The following NUBPL variants were observed in gnomAD, a reference collection of about 807,000 sequenced individuals.
The protein encoded by NUBPL is NUBP iron-sulfur cluster assembly factor, mitochondrial, also known as iron-sulfur cluster transfer protein NUBPL.
Under a neutral mutation model 45.7 loss-of-function variants are expected in NUBPL, and 31 were observed. The observed-to-expected ratio is 0.68, with a 90% CI of 0.51 to 0.92. The LOEUF is 0.92. Ranked by LOEUF, NUBPL falls within the 40% of genes least tolerant of loss-of-function variation. NUBPL has a pLI of 0.00. For missense variants in NUBPL, 401 were observed against 398.7 expected (o/e 1.01, Z -0.05); for synonymous variants, 144 against 140.9 (o/e 1.02, Z -0.15).
chr14:31,715,960 A>C (rs1396376891), intron 6 of NUBPL, among the ~76,000 whole-genome samples: 2 of 152,124 alleles, frequency 1.3e-5, no homozygotes, highest in South Asian at 4.1e-4. Context: ...CTTTCTTTAC[A>C]TCCTTTTTTC....
chr14:31,764,008 G>A (rs1056443921), intron 6 of NUBPL, among the ~76,000 whole-genome samples: 8 of 152,130 alleles, frequency 5.3e-5, no homozygotes, highest in East Asian at 1.9e-4. Flanking sequence ...TTTTTGTCAC[G>A]ATAATCTTAC....
At chr14:31,637,796 A>G (rs1341601554) in intron 4 of NUBPL, among the ~76,000 whole-genome samples, 6 of 152,072 alleles carry the variant, frequency 3.9e-5, no homozygotes, top group Non-Finnish European at 8.8e-5. Flanking sequence ...ATATATATTA[A>G]GATAGTTAGC....
intron 4 of NUBPL, among the ~76,000 whole-genome samples, chr14:31,632,973 G>T (rs1312346781): frequency 6.6e-6 from 1 of 152,160 alleles, no homozygotes; most frequent in East Asian, 1.9e-4. Flanking sequence ...GACATGGATG[G>T]GTAATTTTAG....
intron 4 of NUBPL, among the ~76,000 whole-genome samples, chr14:31,641,369 C>A (rs1211622580): frequency 1.3e-5 from 2 of 152,124 alleles, no homozygotes; most frequent in Non-Finnish European, 2.9e-5. Flanking sequence ...CAGTCTACTA[C>A]TCTTTATCTT....
chr14:31,817,787 C>A (rs539762454), intron 7 of NUBPL, among the ~76,000 whole-genome samples: 4 of 152,096 alleles, frequency 2.6e-5, no homozygotes, highest in Admixed American at 6.6e-5. Flanking sequence ...ATCATAATGA[C>A]AGCATCAAAT....
intron 6 of NUBPL, among the ~76,000 whole-genome samples, chr14:31,749,631 C>G (rs775051274): frequency 6.6e-6 from 1 of 151,866 alleles, no homozygotes; most frequent in Non-Finnish European, 1.5e-5. Flanking sequence ...TTCGAATTCT[C>G]TTTTTTTTCT....
intron 4 of NUBPL, among the ~76,000 whole-genome samples, chr14:31,607,656 T>C (rs1045344582): frequency 1.3e-5 from 2 of 151,726 alleles, no homozygotes; most frequent in African/African-American, 2.4e-5. Context: ...TTAGTGAACT[T>C]GAAGACAGAC....
At chr14:31,694,285 T>C (rs1032093894) in intron 6 of NUBPL, among the ~76,000 whole-genome samples, 7 of 152,218 alleles carry the variant, frequency 4.6e-5, no homozygotes, top group Non-Finnish European at 7.3e-5. Context: ...TTTAAAATTA[T>C]AGATTAGTGA....
chr14:31,729,562 T>A (rs2038005244), intron 6 of NUBPL, among the ~76,000 whole-genome samples: 1 of 152,208 alleles, frequency 6.6e-6, no homozygotes, highest in Admixed American at 6.5e-5. Flanking sequence ...ACTTTAGTCA[T>A]ATGTAAACTC....
intron 8 of NUBPL, among the ~76,000 whole-genome samples, chr14:31,830,605 C>T (rs916138030): frequency 7.2e-5 from 11 of 152,220 alleles, no homozygotes; most frequent in Admixed American, 6.5e-4. Context: ...AGTTAATACT[C>T]CTGTCTCAGA....
intron 4 of NUBPL, among the ~76,000 whole-genome samples, chr14:31,614,920 A>G (rs759460507): frequency 3.2e-4 from 49 of 152,152 alleles, no homozygotes; most frequent in Admixed American, 7.2e-4. Flanking sequence ...TTTGGAAGAG[A>G]TGATTCTTGG....
intron 6 of NUBPL, among the ~76,000 whole-genome samples, chr14:31,748,924 T>G (rs2038461100): frequency 6.6e-6 from 1 of 152,206 alleles, no homozygotes; most frequent in Admixed American, 6.5e-5. Context: ...TGCTTTGTTT[T>G]TATTTCCATT....
chr14:31,622,553 G>C (rs369657948), intron 4 of NUBPL, among the ~76,000 whole-genome samples: 9 of 152,236 alleles, frequency 5.9e-5, no homozygotes, highest in African/African-American at 2.2e-4. Flanking sequence ...GACTCCACTG[G>C]TCTTTGCAGC....
At chr14:31,734,745 A>C (rs2038128413) in intron 6 of NUBPL, among the ~76,000 whole-genome samples, 2 of 115,496 alleles carry the variant, frequency 1.7e-5, no homozygotes, top group South Asian at 5.2e-4. Flanking sequence ...TTTATAATCA[A>C]AGACATGAAA....
chr14:31,855,839 G>A (rs1006431339), intron 10 of NUBPL, among the ~76,000 whole-genome samples: 5 of 152,048 alleles, frequency 3.3e-5, no homozygotes, highest in Non-Finnish European at 7.4e-5. Flanking sequence ...TCAAAGCCCA[G>A]CTCATCTCTT....
intron 6 of NUBPL, among the ~76,000 whole-genome samples, chr14:31,698,464 C>T (rs924423006): frequency 6.6e-6 from 1 of 151,594 alleles, no homozygotes; most frequent in Admixed American, 6.6e-5. Context: ...ACTTTATTTT[C>T]CCCCCATCAC....
In NUBPL at chr14:31,755,425, G is replaced by C. The variant is rs1173124538; in HGVS notation, c.514-32355G>C. On this transcript the variant is annotated intron_variant, in intron 6 of 10. Coordinates refer to ENST00000281081, the MANE Select transcript of NUBPL (RefSeq NM_025152.3). The stretch of plus-strand genomic sequence containing the variant: ...GTGAGATGTATCTCATTGTGGTTTT[G>C]ATTTGCATTTCTCTGATGGCCGGTG... Among the ~76,000 whole-genome samples the C allele has an allele frequency of 2.0e-5, 3 of 152,340 alleles. No homozygotes were observed. The South Asian group carries it at 6.2e-4, about 32-fold the overall frequency.
intron 4 of NUBPL, among the ~76,000 whole-genome samples, chr14:31,606,682 C>T (rs1032976546): frequency 2.0e-5 from 3 of 152,064 alleles, no homozygotes; most frequent in Non-Finnish European, 2.9e-5. Flanking sequence ...TCATGGGCCA[C>T]AGAGGGCAGG....
intron 6 of NUBPL, among the ~76,000 whole-genome samples, chr14:31,720,959 T>C (rs1156896029): frequency 6.6e-6 from 1 of 152,182 alleles, no homozygotes; most frequent in Non-Finnish European, 1.5e-5. Flanking sequence ...TCATAGTAAG[T>C]GAGGGACACC....
Sources: gnomAD v4.1 joint callset for allele counts (sites outside exome capture counted in the v4.1 genomes callset) on GRCh38, gnomAD v4.1.1 for gene constraint, MANE v1.5 for transcripts, NCBI Gene and HGNC (gene_info 2026-07-23, HGNC 2026-07-21) for gene names.